The following ST3GAL3 variants were observed in gnomAD, a reference collection of about 807,000 sequenced individuals.
ST3GAL3 encodes the protein ST3 beta-galactoside alpha-2,3-sialyltransferase 3, also known as CMP-N-acetylneuraminate-beta-1,4-galactoside alpha-2,3-sialyltransferase.
In ST3GAL3, 21 loss-of-function variants were observed where a neutral mutation model predicts 50.1. That is an observed-to-expected ratio of 0.42 (90% CI 0.30 to 0.60). The LOEUF (loss-of-function observed/expected upper bound fraction) is 0.60, where lower values mean the gene tolerates loss of function less well. ST3GAL3 is among the 20% of genes least tolerant of loss of function. The probability of loss-of-function intolerance (pLI) is 0.19; values close to 1 mark genes in which losing one functional copy is unlikely to be tolerated. For synonymous variants in ST3GAL3, 183 were observed against 190.0 expected (o/e 0.96, Z 0.30); for missense variants, 353 against 489.4 (o/e 0.72, Z 2.63).
chr1:43,901,348 T>TGG (rs2078241572), intron 9 of ST3GAL3, among the ~76,000 whole-genome samples: 1 of 152,180 alleles, frequency 6.6e-6, no homozygotes, highest in Non-Finnish European at 1.5e-5. Context: ...ATAAATGATC[T>TGG]GGAATTGGCT....
intron 9 of ST3GAL3, among the ~76,000 whole-genome samples, chr1:43,904,405 A>T (rs1441772698): frequency 6.6e-6 from 1 of 151,726 alleles, no homozygotes; most frequent in Non-Finnish European, 1.5e-5. Context: ...CAGGCTTCTC[A>T]CCAAGCCTCT....
intron 1 of ST3GAL3, among the ~76,000 whole-genome samples, chr1:43,721,129 C>T (rs1432101091): frequency 6.6e-6 from 1 of 151,774 alleles, no homozygotes; most frequent in Non-Finnish European, 1.5e-5. Flanking sequence ...CCTGTAGTTT[C>T]AGCTACTTGG....
At chr1:43,847,597 CAG>C (rs1293916740) in intron 5 of ST3GAL3, among the ~76,000 whole-genome samples, 6 of 152,072 alleles carry the variant, frequency 3.9e-5, no homozygotes, top group Admixed American at 3.3e-4. Context: ...TTCATAGAGA[CAG>C]AAAGTAGAAT....
At chr1:43,875,457 A>T (rs976670100) in intron 5 of ST3GAL3, among the ~76,000 whole-genome samples, 13 of 151,978 alleles carry the variant, frequency 8.6e-5, no homozygotes, top group African/African-American at 3.1e-4. Flanking sequence ...TTTGGAAGTG[A>T]TATTGTTTGG....
At chr1:43,921,388 C>T in intron 11 of ST3GAL3, 1 of 423,624 alleles carries the variant, frequency 2.4e-6, no homozygotes, top group Non-Finnish European at 4.2e-6. Flanking sequence ...ATGTAGGGTA[C>T]ATTACAGGTC....
At chr1:43,716,510 GAGA>G (rs1185481035) in intron 1 of ST3GAL3, 2 of 152,184 alleles carry the variant, frequency 1.3e-5, no homozygotes, top group Non-Finnish European at 2.9e-5. Flanking sequence ...GAACGATACA[GAGA>G]AGATTAGGAT....
At chr1:43,717,435 A>G (rs1349389886) in intron 1 of ST3GAL3, among the ~76,000 whole-genome samples, 2 of 152,158 alleles carry the variant, frequency 1.3e-5, no homozygotes, top group African/African-American at 4.8e-5. Context: ...TAAAACATGT[A>G]AAGTCTCAGA....
intron 2 of ST3GAL3, among the ~76,000 whole-genome samples, chr1:43,782,526 AC>A (rs1188927300): frequency 2.0e-5 from 3 of 151,204 alleles, no homozygotes; most frequent in Non-Finnish European, 4.4e-5. Flanking sequence ...GGTATTCAAA[AC>A]CCCATCTGGT....
intron 2 of ST3GAL3, among the ~76,000 whole-genome samples, chr1:43,750,266 G>T (rs1248023924): frequency 6.6e-6 from 1 of 152,116 alleles, no homozygotes; most frequent in Non-Finnish European, 1.5e-5. Flanking sequence ...AAACAATTTG[G>T]CAATTTCTTT....
intron 5 of ST3GAL3, among the ~76,000 whole-genome samples, chr1:43,876,932 C>T (rs1173704252): frequency 6.6e-6 from 1 of 152,184 alleles, no homozygotes; most frequent in Non-Finnish European, 1.5e-5. Flanking sequence ...AAAACTGTCA[C>T]CTCAGCTCGC....
At chr1:43,879,840 C>T (rs2074793151) in intron 5 of ST3GAL3, among the ~76,000 whole-genome samples, 1 of 152,214 alleles carries the variant, frequency 6.6e-6, no homozygotes, top group African/African-American at 2.4e-5. Context: ...TGCTTTGAAT[C>T]CCATCATACT....
intron 1 of ST3GAL3, among the ~76,000 whole-genome samples, chr1:43,713,433 A>T (rs989394979): frequency 3.3e-5 from 5 of 151,942 alleles, no homozygotes; most frequent in African/African-American, 9.7e-5. Context: ...AAACAGTTAT[A>T]ATATTTCTAA....
intron 3 of ST3GAL3, among the ~76,000 whole-genome samples, chr1:43,805,997 G>A (rs1416611084): frequency 6.6e-6 from 1 of 152,140 alleles, no homozygotes; most frequent in Non-Finnish European, 1.5e-5. Flanking sequence ...GCCTCCCAAA[G>A]TGCTGGGATT....
At chr1:43,846,470 G>T (rs1354302601) in intron 5 of ST3GAL3, among the ~76,000 whole-genome samples, 2 of 152,200 alleles carry the variant, frequency 1.3e-5, no homozygotes, top group East Asian at 3.9e-4. Flanking sequence ...CCTTTTATTT[G>T]GTTGGTGCAA....
chr1:43,815,519 G>T (rs2154177679), intron 4 of ST3GAL3, among the ~76,000 whole-genome samples: 1 of 152,222 alleles, frequency 6.6e-6, no homozygotes, highest in Admixed American at 6.5e-5. Context: ...TTCTACCTCT[G>T]TTACAGTTAT....
intron 3 of ST3GAL3, among the ~76,000 whole-genome samples, chr1:43,799,374 T>C (rs1366645252): frequency 6.6e-6 from 1 of 152,200 alleles, no homozygotes; most frequent in Non-Finnish European, 1.5e-5. Flanking sequence ...TGGGCTGCTA[T>C]AACAAAAATA....
Position 43,930,408 on chromosome 1 carries a change from T to C in ST3GAL3, c.*187T>C. 2 of 659,588 alleles carry C rather than the reference T, an allele frequency of 3.0e-6. No individual in the cohort carries two copies. Among genetic ancestry groups the C allele is most frequent in the Admixed American group, 2.2e-5 (1 of 45,512 alleles). The allele number at this position is 659,588 out of a possible 1,614,324, so 40.9% of individuals were successfully genotyped here. On this transcript the variant is annotated 3_prime_UTR_variant, in exon 12 of 12. Coordinates refer to ENST00000347631, the MANE Select transcript of ST3GAL3 (RefSeq NM_006279.5). ...TCTCAGAGACCAGCACTCAGCCTCA[T>C]TCAGCATGGGTCCTTGATGCCAGAG...
At chr1:43,909,000 C>T (rs897241464) in intron 9 of ST3GAL3, among the ~76,000 whole-genome samples, 6 of 152,186 alleles carry the variant, frequency 3.9e-5, no homozygotes, top group South Asian at 2.1e-4. Flanking sequence ...TCCTATTTCA[C>T]GCCTCTATGT....
At chr1:43,809,528 C>A (rs2060288590) in intron 3 of ST3GAL3, among the ~76,000 whole-genome samples, 1 of 151,928 alleles carries the variant, frequency 6.6e-6, no homozygotes, top group African/African-American at 2.4e-5. Context: ...AGACCCCTGT[C>A]TCTACAAAAA....
Sources: allele counts gnomAD v4.1 joint callset (sites outside exome capture counted in the v4.1 genomes callset), GRCh38; gene constraint gnomAD v4.1.1; transcripts MANE v1.5; gene names NCBI Gene and HGNC (gene_info 2026-07-23, HGNC 2026-07-21).